The following GRM1 variants were observed in gnomAD, a reference collection of about 807,000 sequenced individuals.
GRM1 encodes the protein glutamate metabotropic receptor 1.
GRM1 carries 33 observed loss-of-function variants against 90.9 expected under a neutral mutation model. The ratio of observed to expected loss-of-function variants is 0.36; its 90% CI spans 0.28 to 0.49. The LOEUF is 0.49. Ranked by LOEUF, GRM1 falls within the 20% of genes least tolerant of loss-of-function variation. The probability of loss-of-function intolerance (pLI) is 0.99; values close to 1 mark genes in which losing one functional copy is unlikely to be tolerated. For synonymous variants in GRM1, 700 were observed against 613.2 expected (o/e 1.14, Z -2.09); for missense variants, 1,190 against 1,534.3 (o/e 0.78, Z 3.75).
intron 3 of GRM1, among the ~76,000 whole-genome samples, chr6:146,306,391 T>G (rs1286779727): frequency 6.6e-6 from 1 of 152,132 alleles, no homozygotes; most frequent in African/African-American, 2.4e-5. Flanking sequence ...CCTAGGCTCA[T>G]AAGGTTAATG....
At chr6:146,158,454 G>C (rs1777598509) in intron 1 of GRM1, among the ~76,000 whole-genome samples, 1 of 152,002 alleles carries the variant, frequency 6.6e-6, no homozygotes, top group Admixed American at 6.6e-5. Flanking sequence ...AGAAACATCT[G>C]TGATAACATG....
At chr6:146,144,134 TCTCTTC>T (rs374209589) in intron 1 of GRM1, among the ~76,000 whole-genome samples, 1 of 152,158 alleles carries the variant, frequency 6.6e-6, no homozygotes, top group African/African-American at 2.4e-5. Context: ...TGGTGAGAGC[TCTCTTC>T]CTGGCTTGCA....
chr6:146,315,632 G>A (rs1335560711), intron 3 of GRM1, among the ~76,000 whole-genome samples: 1 of 152,064 alleles, frequency 6.6e-6, no homozygotes, highest in African/African-American at 2.4e-5. Flanking sequence ...TGGGTCCTAC[G>A]CCATACAAAT....
chr6:146,243,644 C>T (rs565396581), intron 2 of GRM1, among the ~76,000 whole-genome samples: 15 of 152,074 alleles, frequency 9.9e-5, no homozygotes, highest in South Asian at 4.2e-4. Context: ...GGAGGCAGGG[C>T]GAGATCACAG....
chr6:146,361,722 C>G (rs1775482932), intron 5 of GRM1, among the ~76,000 whole-genome samples: 1 of 152,150 alleles, frequency 6.6e-6, no homozygotes, highest in South Asian at 2.1e-4. Context: ...GTCACTTGCC[C>G]CTAAGCTCTC....
intron 4 of GRM1, among the ~76,000 whole-genome samples, chr6:146,352,731 C>A (rs920095476): frequency 6.6e-6 from 1 of 152,300 alleles, no homozygotes. Flanking sequence ...CCAGTGCCAT[C>A]CCCTAACTCA....
chr6:146,296,912 C>T (rs140352119), intron 2 of GRM1, among the ~76,000 whole-genome samples: 1 of 152,266 alleles, frequency 6.6e-6, no homozygotes, highest in African/African-American at 2.4e-5. Flanking sequence ...TGTCTGACTT[C>T]TACGATTCAT....
intron 1 of GRM1, among the ~76,000 whole-genome samples, chr6:146,068,652 T>A (rs918810725): frequency 6.6e-6 from 1 of 152,152 alleles, no homozygotes; most frequent in African/African-American, 2.4e-5. Flanking sequence ...TAATAATTGC[T>A]ACAAACCTAT....
At chr6:146,262,278 A>G (rs1018721958) in intron 2 of GRM1, among the ~76,000 whole-genome samples, 3 of 152,070 alleles carry the variant, frequency 2.0e-5, no homozygotes, top group African/African-American at 4.8e-5. Flanking sequence ...TGTAGAAAAA[A>G]TTATCTTGAC....
At chr6:146,177,630 A>G (rs1438602026) in intron 2 of GRM1, among the ~76,000 whole-genome samples, 1 of 152,086 alleles carries the variant, frequency 6.6e-6, no homozygotes, top group Non-Finnish European at 1.5e-5. Flanking sequence ...TTTCTCAGTT[A>G]TCATTATTTA....
intron 1 of GRM1, among the ~76,000 whole-genome samples, chr6:146,119,221 T>C (rs1775884553): frequency 6.6e-6 from 1 of 152,254 alleles, no homozygotes; most frequent in Admixed American, 6.5e-5. Flanking sequence ...ATTTGTCTAT[T>C]GGCTGCATAA....
At chr6:146,324,141 G>T (rs12214313) in intron 3 of GRM1, among the ~76,000 whole-genome samples, 1 of 152,210 alleles carries the variant, frequency 6.6e-6, no homozygotes, top group Non-Finnish European at 1.5e-5. Context: ...GCTTTGCGGA[G>T]CTGCGGTGGG....
intron 1 of GRM1, among the ~76,000 whole-genome samples, chr6:146,032,875 A>C (rs2128836276): frequency 6.6e-6 from 1 of 152,274 alleles, no homozygotes; most frequent in East Asian, 1.9e-4. Context: ...ATTATCTTGA[A>C]ATCATATTGT....
At position 146,029,433 on chromosome 6, in the gene GRM1, G is replaced by A. The variant is rs1790629017; in HGVS notation, c.-85G>A. On this transcript the variant is annotated 5_prime_UTR_variant, in exon 1 of 8. Transcript: ENST00000282753. The stretch of plus-strand genomic sequence containing the variant: ...ACCACTCCGGGAGAGGCGGCGCTGG[G>A]CGTCTTGGGGGTGCGCGCCGGGAGC... 1.9e-6 allele frequency: 2 copies of A among 1,059,458 alleles called. No homozygotes were observed. Among genetic ancestry groups the A allele is most frequent in the South Asian group, 1.3e-5 (1 of 79,494 alleles). The allele number at this position is 1,059,458 out of a possible 1,614,324, so 65.6% of individuals were successfully genotyped here. A position where few individuals can be genotyped will look rare whatever the true frequency, so the allele number is the denominator to read the frequency against.
intron 7 of GRM1, among the ~76,000 whole-genome samples, chr6:146,429,917 G>C (rs1778349056): frequency 6.6e-6 from 1 of 152,170 alleles, no homozygotes; most frequent in Admixed American, 6.5e-5. Flanking sequence ...AAGCTATTAA[G>C]CCTAGAGGCA....
chr6:146,130,561 T>C (rs1029778324), intron 1 of GRM1, among the ~76,000 whole-genome samples: 2 of 152,090 alleles, frequency 1.3e-5, no homozygotes, highest in African/African-American at 4.8e-5. Flanking sequence ...ATGATATGCT[T>C]TTCTTTCACC....
intron 2 of GRM1, among the ~76,000 whole-genome samples, chr6:146,161,162 A>T (rs1320252857): frequency 6.6e-6 from 1 of 152,160 alleles, no homozygotes; most frequent in Non-Finnish European, 1.5e-5. Flanking sequence ...GTTTTTAAAA[A>T]ATTCTCATAT....
intron 1 of GRM1, among the ~76,000 whole-genome samples, chr6:146,129,201 A>G (rs891936795): frequency 6.6e-6 from 1 of 152,214 alleles, no homozygotes; most frequent in South Asian, 2.1e-4. Context: ...ATTTAACCAA[A>G]TAGCAATATA....
intron 2 of GRM1, among the ~76,000 whole-genome samples, chr6:146,228,096 A>G (rs1347695499): frequency 6.6e-6 from 1 of 152,168 alleles, no homozygotes; most frequent in Non-Finnish European, 1.5e-5. Flanking sequence ...GCATTTATCA[A>G]CTGTTGAGTA....
Sources: allele counts gnomAD v4.1 joint callset (sites outside exome capture counted in the v4.1 genomes callset), GRCh38; gene constraint gnomAD v4.1.1; transcripts MANE v1.5; gene names NCBI Gene and HGNC (gene_info 2026-07-23, HGNC 2026-07-21).